RABGEF1: variants seen among roughly 807,000 people sequenced by gnomAD.
The protein encoded by RABGEF1 is rab5 GDP/GTP exchange factor.
In RABGEF1, 26 loss-of-function variants were observed where a neutral mutation model predicts 57.3. That is an observed-to-expected ratio of 0.45 (90% CI 0.33 to 0.63). The LOEUF (loss-of-function observed/expected upper bound fraction) is 0.63. Among genes scored for constraint, RABGEF1 ranks in the 20% least tolerant of loss-of-function variants. The pLI is 0.02. For synonymous variants in RABGEF1, 185 were observed against 210.7 expected, an observed-to-expected ratio of 0.88 and a Z score of 1.06; for missense variants, 464 against 607.6, an observed-to-expected ratio of 0.76 and a Z score of 2.48.
rs192424575 is a variant in RABGEF1 at position 66,802,066 on chromosome 7, C to T, written c.820+2652C>T. ...CTGAGACCACAGGCACGTGCCACCA[C>T]ACCCAGCTAATTTTTGTTTACATTC... On this transcript the variant is annotated intron_variant, in intron 7 of 8. Coordinates refer to ENST00000284957, the MANE Select transcript of RABGEF1 (RefSeq NM_014504.3). Among the ~76,000 whole-genome samples the T allele has an allele frequency of 3.3e-5, 5 of 152,346 alleles. No individual in the cohort carries two copies. The East Asian group carries it at 9.6e-4, about 29-fold the overall frequency.
the RABGEF1 span, chr7:66,668,871 C>T: frequency 6.6e-6 from 1 of 152,342 alleles, no homozygotes; most frequent in Non-Finnish European, 1.5e-5. Flanking sequence ...AAGAAAGAGG[C>T]TGCCAGTCTT....
At chr7:66,780,958 G>A (rs1809747238) in intron 3 of RABGEF1, among the ~76,000 whole-genome samples, 1 of 152,120 alleles carries the variant, frequency 6.6e-6, no homozygotes, top group Non-Finnish European at 1.5e-5. Flanking sequence ...CAGACAGCAT[G>A]AAGTGGGGTC....
In RABGEF1 at chr7:66,788,455, AAAAAC is replaced by A. The variant is rs140701613; in HGVS notation, c.513+4631_513+4635del. Among the ~76,000 whole-genome samples, 889 of 152,142 alleles carry A rather than the reference AAAAAC, an allele frequency of 5.8e-3. 5 individuals carry two copies. The highest frequency in any genetic ancestry group is 9.2e-3 in the Non-Finnish European group (624 of 67,980). Reference sequence around the variant, plus strand: ...CAAGACTCCATCTCAAAAAAAAACAAAAAACAAAACAAAACAAAACACCCCTCATT... The same window carrying A: ...CAAGACTCCATCTCAAAAAAAAACAAAAAACAAAACAAAACACCCCTCATT... On this transcript the variant is annotated intron_variant, in intron 4 of 8. Transcript: ENST00000284957.
intron 2 of RABGEF1, among the ~76,000 whole-genome samples, chr7:66,723,533 C>G (rs1584942740): frequency 6.6e-6 from 1 of 152,150 alleles, no homozygotes; most frequent in African/African-American, 2.4e-5. Context: ...ATAAACCCCA[C>G]AATACACTGC....
intron 1 of RABGEF1, among the ~76,000 whole-genome samples, chr7:66,764,349 T>G (rs1231985286): frequency 2.6e-5 from 4 of 152,182 alleles, no homozygotes; most frequent in African/African-American, 9.7e-5. Flanking sequence ...ATTTTTTATA[T>G]ATTCTGGATA....
intron 1 of RABGEF1, among the ~76,000 whole-genome samples, chr7:66,753,119 T>C (rs1801811665): frequency 6.6e-6 from 1 of 152,194 alleles, no homozygotes; most frequent in Non-Finnish European, 1.5e-5. Context: ...AGTGGGGAAG[T>C]TGGAGTCAGA....
chr7:66,705,439 AAGAAAGAGAG>A (rs1269171146), intron 1 of RABGEF1, among the ~76,000 whole-genome samples: 3 of 54,976 alleles, frequency 5.5e-5, no homozygotes, highest in African/African-American at 1.7e-4. Flanking sequence ...TCCATCTCGA[AAGAAAGAGAG>A]AGAGAGAGAG....
chr7:66,786,605 T>C (rs1233515014), intron 4 of RABGEF1, among the ~76,000 whole-genome samples: 1 of 152,204 alleles, frequency 6.6e-6, no homozygotes, highest in Non-Finnish European at 1.5e-5. Flanking sequence ...GGTTTCCCTA[T>C]GTTGCCCAGG....
the RABGEF1 span, among the ~76,000 whole-genome samples, chr7:66,664,362 T>C: frequency 6.6e-6 from 1 of 151,822 alleles, no homozygotes; most frequent in South Asian, 2.1e-4. Flanking sequence ...GGCAGATTAC[T>C]TGAGGTCAGG....
At chr7:66,667,105 C>A in the RABGEF1 span, among the ~76,000 whole-genome samples, 1 of 152,192 alleles carries the variant, frequency 6.6e-6, no homozygotes, top group African/African-American at 2.4e-5. Context: ...TTGAAATAAT[C>A]CCAGCCCAGG....
intron 2 of RABGEF1, among the ~76,000 whole-genome samples, chr7:66,734,093 C>T (rs981946543): frequency 2.6e-5 from 4 of 152,212 alleles, no homozygotes; most frequent in Non-Finnish European, 4.4e-5. Flanking sequence ...ATTGGTCTAA[C>T]GGGGCCCTGG....
intron 1 of RABGEF1, among the ~76,000 whole-genome samples, chr7:66,690,614 C>T (rs1346743287): frequency 1.3e-5 from 2 of 151,296 alleles, no homozygotes; most frequent in Non-Finnish European, 2.9e-5. Context: ...ACTTGGGAGG[C>T]TGAGGTGAAA....
At chr7:66,709,145 A>G (rs1455059018) in intron 1 of RABGEF1, among the ~76,000 whole-genome samples, 2 of 151,758 alleles carry the variant, frequency 1.3e-5, no homozygotes, top group Non-Finnish European at 2.9e-5. Flanking sequence ...AGTAGCTGGG[A>G]TTACAGGCAC....
chr7:66,744,279 T>C lies in RABGEF1; in HGVS notation c.-18+3487T>C, dbSNP rs564360397. 4.6e-5 allele frequency among the ~76,000 whole-genome samples: 7 copies of C among 151,492 alleles called. No homozygotes were observed. In the South Asian group the frequency reaches 1.5e-3, roughly 32 times the overall value. On this transcript the variant is annotated intron_variant, in intron 1 of 8. Transcript: ENST00000284957. ...TTGAAATGGTGGCTCACGCCTGTAATCCTCGCACTTTGGGAGGCCAAAGTG... is the reference window on the plus strand; with the variant it reads ...TTGAAATGGTGGCTCACGCCTGTAACCCTCGCACTTTGGGAGGCCAAAGTG...
At chr7:66,768,574 G>C (rs1382816448) in intron 1 of RABGEF1, among the ~76,000 whole-genome samples, 1 of 152,186 alleles carries the variant, frequency 6.6e-6, no homozygotes, top group Non-Finnish European at 1.5e-5. Context: ...GGTTCTGTGG[G>C]CTGTGGCTTT....
At chr7:66,749,847 G>A (rs1291115642) in intron 1 of RABGEF1, among the ~76,000 whole-genome samples, 1 of 151,952 alleles carries the variant, frequency 6.6e-6, no homozygotes, top group Non-Finnish European at 1.5e-5. Flanking sequence ...GATGGTGGGC[G>A]CCTGTAGTCC....
intron 1 of RABGEF1, among the ~76,000 whole-genome samples, chr7:66,699,002 G>T (rs926442381): frequency 6.6e-6 from 1 of 152,226 alleles, no homozygotes; most frequent in African/African-American, 2.4e-5. Context: ...CCGTCCTTCA[G>T]TCCCACATGC....
chr7:66,701,668 C>G (rs959837089), intron 1 of RABGEF1, among the ~76,000 whole-genome samples: 4 of 151,954 alleles, frequency 2.6e-5, no homozygotes, highest in Non-Finnish European at 5.9e-5. Flanking sequence ...GCCACCACCC[C>G]CAGCTAATTT....
intron 1 of RABGEF1, among the ~76,000 whole-genome samples, chr7:66,694,257 A>C (rs1191117200): frequency 6.6e-6 from 1 of 152,262 alleles, no homozygotes; most frequent in East Asian, 1.9e-4. Flanking sequence ...AAAGGGTGCC[A>C]CGGGAATGGG....
Sources: gnomAD v4.1 joint callset for allele counts (sites outside exome capture counted in the v4.1 genomes callset) on GRCh38, gnomAD v4.1.1 for gene constraint, MANE v1.5 for transcripts, NCBI Gene and HGNC (gene_info 2026-07-23, HGNC 2026-07-21) for gene names.